The following DLG3 variants were observed in gnomAD, a reference collection of about 807,000 sequenced individuals.
DLG3 encodes the protein discs large MAGUK scaffold protein 3, also known as disks large homolog 3.
In DLG3, 1 loss-of-function variant was observed where a neutral mutation model predicts 64.1. The ratio of observed to expected loss-of-function variants is 0.02; its 90% CI spans 0.01 to 0.07. The LOEUF (loss-of-function observed/expected upper bound fraction) is 0.07. Among genes scored for constraint, DLG3 ranks in the 10% least tolerant of loss-of-function variants. The pLI, the probability that DLG3 is intolerant of heterozygous loss-of-function variation, is 1.00. For synonymous variants in DLG3, 245 were observed against 259.8 expected (o/e 0.94, Z 0.55); for missense variants, 429 against 669.5 (o/e 0.64, Z 3.96).
intron 6 of DLG3, chrX:70,451,004 T>C (rs964445770): frequency 6.7e-6 from 3 of 449,122 alleles, no homozygotes; most frequent in Admixed American, 7.9e-5. Flanking sequence ...TTGGCAATTT[T>C]TGACAATTTC....
intron 9 of DLG3, among the ~76,000 whole-genome samples, chrX:70,474,015 AAT>A (rs2087013922): frequency 8.9e-6 from 1 of 112,219 alleles, no homozygotes; most frequent in Non-Finnish European, 1.9e-5. Context: ...AGGAGCAGGG[AAT>A]AACAGGTAGA....
At chrX:70,480,690 G>A (rs2087138090) in intron 10 of DLG3, among the ~76,000 whole-genome samples, 1 of 112,544 alleles carries the variant, frequency 8.9e-6, no homozygotes, top group African/African-American at 3.2e-5. Context: ...AATAGGTAAT[G>A]GTTATATGAC....
chrX:70,502,295 T>G lies in DLG3; in HGVS notation c.*26T>G, dbSNP rs753646281. 9.4e-7 allele frequency: 1 copy of G among 1,068,055 alleles called. No homozygotes were observed. The highest frequency in any genetic ancestry group is 3.1e-5 in the East Asian group (1 of 32,774). The allele number at this position is 1,068,055 out of a possible 1,213,427, so 88.0% of individuals were successfully genotyped here. On this transcript the variant is annotated 3_prime_UTR_variant, in exon 19 of 19. Coordinates refer to ENST00000374360, the MANE Select transcript of DLG3 (RefSeq NM_021120.4). ...AGAATCCCCTCCAACCATTCTCTTG[T>G]GAACAGAAGAAATCAAGTCCCTCTT...
At position 70,492,574 on chromosome X, in the gene DLG3, C is replaced by T. The variant is rs777755684; in HGVS notation, c.1751C>T (p.Thr584Met). The T allele has an allele frequency of 2.2e-5, 26 of 1,209,243 alleles. No homozygotes were observed. The highest frequency in any genetic ancestry group is 5.3e-5 in the South Asian group (3 of 56,613). The change falls in exon 12 of 19, where the codon ACG becomes ATG. Residue 584 changes from threonine (T) to methionine (M), a missense_variant. By Grantham distance (81) the Thr-to-Met change is moderately conservative (BLOSUM62 -1). Transcript: ENST00000374360. ...RLKTVKFHAR[T>M]GMIESNRDFP... The stretch of plus-strand genomic sequence containing the variant: ...AAAACTGTGAAGTTCCATGCCAGGA[C>T]GGGGATGATTGAGTCTAACAGGGTA...
intron 18 of DLG3, 37 bp from the exon 19 acceptor site, chrX:70,502,126 G>T (rs1251316887): frequency 4.7e-6 from 5 of 1,054,589 alleles, no homozygotes; most frequent in Non-Finnish European, 6.6e-6. Context: ...ATGTGCTATG[G>T]ACCACAGTAA....
At chrX:70,470,223 C>T (rs774321124) in intron 9 of DLG3, among the ~76,000 whole-genome samples, 17 of 110,849 alleles carry the variant, frequency 1.5e-4, no homozygotes, top group Admixed American at 4.8e-4. Flanking sequence ...CCAGTGTCAT[C>T]GTCATTTCTA....
At chrX:70,460,282 CAAAAAAAAAAAA>C (rs1221573255) in intron 9 of DLG3, among the ~76,000 whole-genome samples, 1 of 38,438 alleles carries the variant, frequency 2.6e-5, no homozygotes, top group Non-Finnish European at 5.8e-5. Context: ...GACTCTGTCT[CAAAAAAAAAAAA>C]AAAAAAAAAA....
chrX:70,493,825 A>C (rs1254103615), intron 12 of DLG3, among the ~76,000 whole-genome samples: 1 of 112,468 alleles, frequency 8.9e-6, no homozygotes, highest in Admixed American at 9.3e-5. Flanking sequence ...AGGGTCAGGA[A>C]AATGGTTTTT....
At position 70,445,463 on chromosome X, in the gene DLG3, A is replaced by C; in HGVS notation, c.262A>C (p.Lys88Gln). 1.7e-6 allele frequency: 2 copies of C among 1,202,207 alleles called. No individual in the cohort carries two copies. Among genetic ancestry groups the C allele is most frequent in the Non-Finnish European group, 2.2e-6 (2 of 891,333 alleles). The change falls in exon 1 of 19, where the codon AAG (lysine) becomes CAG (glutamine). Residue 88 changes from lysine to glutamine, a missense_variant. Coordinates refer to ENST00000374360, the MANE Select transcript of DLG3 (RefSeq NM_021120.4). ...TGRDVGPVPP[K>Q]PVPGKSTPKL... ...CCGGGATGTGGGGCCGGTGCCTCCT[A>C]AGCCAGTCCCGGGCAAGAGCACCCC...
intron 9 of DLG3, among the ~76,000 whole-genome samples, chrX:70,462,494 C>G (rs1400108128): frequency 9.0e-6 from 1 of 110,771 alleles, no homozygotes; most frequent in Non-Finnish European, 1.9e-5. Flanking sequence ...AGGTGATCCA[C>G]CCACCTCGGC....
intron 10 of DLG3, among the ~76,000 whole-genome samples, chrX:70,486,579 C>T (rs150656224): frequency 6.2e-4 from 69 of 111,217 alleles, no homozygotes; most frequent in African/African-American, 2.1e-3. Context: ...CAAGCACACA[C>T]ATAATGAGAC....
rs763785888 is a variant in DLG3, at chrX:70,446,030, G to A, written c.357+472G>A. On this transcript the variant is annotated intron_variant, in intron 1 of 18. Transcript: ENST00000374360. ...GGAGCTGCCGTGAATCCGTGTGGAGGAGCCCATGTGCCCGGCTCGCTGAGC... is the reference window on the plus strand; with the variant it reads ...GGAGCTGCCGTGAATCCGTGTGGAGAAGCCCATGTGCCCGGCTCGCTGAGC... 4.4e-3 allele frequency among the ~76,000 whole-genome samples: 489 copies of A among 110,614 alleles called. 1 individual carries two copies. Among genetic ancestry groups the A allele is most frequent in the Non-Finnish European group, 7.7e-3 (409 of 52,810 alleles).
At chrX:70,468,465 T>G (rs1299869310) in intron 9 of DLG3, among the ~76,000 whole-genome samples, 1 of 111,354 alleles carries the variant, frequency 9.0e-6, no homozygotes, top group Middle Eastern at 4.2e-3. Flanking sequence ...AACTGGAAAT[T>G]TTTATGGCAT....
At chrX:70,453,397 T>A in intron 7 of DLG3, 1 of 393,835 alleles carries the variant, frequency 2.5e-6, no homozygotes, top group East Asian at 4.4e-5. Context: ...TAGGGGACTG[T>A]CCACTGGGAA....
intron 3 of DLG3, 65 bp downstream of exon 3, chrX:70,449,548 C>T (rs767500706): frequency 1.2e-5 from 13 of 1,051,678 alleles, no homozygotes; most frequent in Non-Finnish European, 1.6e-5. Context: ...GGAGGAAAGC[C>T]TGCCTGGCAG....
At chrX:70,487,906 C>T (rs1197700057) in intron 10 of DLG3, among the ~76,000 whole-genome samples, 1 of 111,646 alleles carries the variant, frequency 9.0e-6, no homozygotes, top group Non-Finnish European at 1.9e-5. Context: ...CCGCCTCAGC[C>T]TCCCAAAGTG....
At chrX:70,454,150 C>A in intron 8 of DLG3, 64 bp from the exon 9 acceptor site, 1 of 1,038,318 alleles carries the variant, frequency 9.6e-7, no homozygotes, top group Non-Finnish European at 1.3e-6. Flanking sequence ...CCTCTCCTAA[C>A]TGCTAATGCA....
chrX:70,450,599 CCTT>C (rs2086607495), intron 5 of DLG3, 37 bp from the exon 6 acceptor site: 1 of 1,207,421 alleles, frequency 8.3e-7, no homozygotes, highest in Non-Finnish European at 1.1e-6. Context: ...AGAAGCCTCT[CCTT>C]CTTCCAAGTC....
intron 9 of DLG3, among the ~76,000 whole-genome samples, chrX:70,472,372 G>A: frequency 9.0e-6 from 1 of 111,085 alleles, no homozygotes; most frequent in Non-Finnish European, 1.9e-5. Flanking sequence ...GGCCAACATG[G>A]TGAAACCCCG....
Sources: allele counts gnomAD v4.1 joint callset (sites outside exome capture counted in the v4.1 genomes callset), GRCh38; gene constraint gnomAD v4.1.1; transcripts MANE v1.5; gene names NCBI Gene and HGNC (gene_info 2026-07-23, HGNC 2026-07-21).